Variants in PEX3 observed in about 807,000 individuals in gnomAD.
PEX3 encodes the protein peroxisomal biogenesis factor 3.
A neutral mutation model predicts 55.8 loss-of-function variants in PEX3; 30 were observed. The observed-to-expected ratio is 0.54, with a 90% CI of 0.40 to 0.73. PEX3 has a LOEUF of 0.73. PEX3 is among the 30% of genes least tolerant of loss of function. PEX3 has a pLI of 0.00. For missense variants in PEX3, 351 were observed against 432.8 expected (o/e 0.81, Z 1.68); for synonymous variants, 135 against 148.4 (o/e 0.91, Z 0.66).
chr6:143,475,478 C>A lies in PEX3; in HGVS notation c.818+622C>A, dbSNP rs555642603. 2.9e-4 allele frequency among the ~76,000 whole-genome samples: 44 copies of A among 152,160 alleles called. No homozygotes were observed. The highest frequency in any genetic ancestry group is 9.2e-4 in the African/African-American group (38 of 41,528). On this transcript the variant is annotated intron_variant, in intron 9 of 11. Transcript: ENST00000367591. The surrounding 1 kb of genome is among the most constrained non-coding windows in gnomAD (Gnocchi z 4.4). ...ACCAGCCTGGGTAACATGGCAAAAACCCCATCTTAAACAAAAGAAAAAAAA... is the reference window on the plus strand; with the variant it reads ...ACCAGCCTGGGTAACATGGCAAAAAACCCATCTTAAACAAAAGAAAAAAAA...
chr6:143,472,040 G>A, intron 7 of PEX3, 120 bp from the exon 8 acceptor site: 1 of 731,416 alleles, frequency 1.4e-6, no homozygotes, highest in Non-Finnish European at 2.4e-6. Flanking sequence ...ATTCCAGTCA[G>A]CAGTTACAGG....
At chr6:143,468,814 C>CG (rs1554281458) in intron 4 of PEX3, among the ~76,000 whole-genome samples, 6 of 129,000 alleles carry the variant, frequency 4.7e-5, no homozygotes, top group East Asian at 2.7e-4. Context: ...CCCCCCCCCC[C>CG]ACCCCACGAC....
At position 143,485,024 on chromosome 6, in the gene PEX3, G is replaced by C; in HGVS notation, c.942-128G>C. On this transcript the variant is annotated intron_variant, in intron 10 of 11. Coordinates refer to ENST00000367591, the MANE Select transcript of PEX3 (RefSeq NM_003630.3). This position sits in a 1 kb window ranked among gnomAD's most constrained non-coding sequence, Gnocchi z 5.6. ...TTATTTCTAAGCGATAGAATTGTGG[G>C]GTTTTTTTTCCTTTTTAATAGATTT... 1.4e-6 allele frequency: 1 copy of C among 695,806 alleles called. No individual in the cohort carries two copies. The highest frequency in any genetic ancestry group is 2.2e-5 in the Admixed American group (1 of 44,990). The allele number at this position is 695,806 out of a possible 1,614,324, so 43.1% of individuals were successfully genotyped here. A position where few individuals can be genotyped will look rare whatever the true frequency, so the allele number is the denominator to read the frequency against.
In PEX3 at chr6:143,459,820, T is replaced by A. The variant is rs546609039; in HGVS notation, c.205+604T>A. Among the ~76,000 whole-genome samples the A allele has an allele frequency of 4.6e-5, 7 of 152,016 alleles. No individual in the cohort carries two copies. In the South Asian group the frequency reaches 1.5e-3, roughly 32 times the overall value. ...CGGGCCTGTGGGCCATAGGAAAGAG[T>A]CATTAAGTTTATTAAATTTACAGTA... On this transcript the variant is annotated intron_variant, in intron 2 of 11. Coordinates refer to ENST00000367591, the MANE Select transcript of PEX3 (RefSeq NM_003630.3). The surrounding 1 kb of genome is among the most constrained non-coding windows in gnomAD (Gnocchi z 4.2).
chr6:143,489,835 T>A lies in PEX3; in HGVS notation c.*609T>A, dbSNP rs1357096689. ...TATTTCTTCACTATATTTTTTAAGG[T>A]TTTATTAAAAAGCCTTAGAAAGTTA... On this transcript the variant is annotated 3_prime_UTR_variant, in exon 12 of 12. Coordinates refer to ENST00000367591, the MANE Select transcript of PEX3 (RefSeq NM_003630.3). The surrounding 1 kb of genome is among the most constrained non-coding windows in gnomAD (Gnocchi z 5.5). 1 of 152,076 alleles carries A rather than the reference T, an allele frequency of 6.6e-6. No individual in the cohort carries two copies. The highest frequency in any genetic ancestry group is 2.4e-5 in the African/African-American group (1 of 41,432). 9.4% of individuals were successfully genotyped at this position (152,076 alleles called of 1,614,324 possible). A position where few individuals can be genotyped will look rare whatever the true frequency, so the allele number is the denominator to read the frequency against.
In PEX3 at chr6:143,471,230, A is replaced by G. The variant is rs970242370; in HGVS notation, c.456+145A>G. ...ACTTTTAGTATTATGAATAATTTTT[A>G]TATGTTGAAACTAGAATTTTTGGTG... On this transcript the variant is annotated intron_variant, in intron 5 of 11. Transcript: ENST00000367591. This position sits in a 1 kb window ranked among gnomAD's most constrained non-coding sequence, Gnocchi z 5.4. 23 of 990,656 alleles carry G rather than the reference A, an allele frequency of 2.3e-5. No homozygotes were observed. Among genetic ancestry groups the G allele is most frequent in the Non-Finnish European group, 2.9e-5 (19 of 651,130 alleles). The allele number at this position is 990,656 out of a possible 1,614,324, so 61.4% of individuals were successfully genotyped here.
chr6:143,490,478 C>T lies in PEX3; in HGVS notation c.*1252C>T, dbSNP rs1780370934. On this transcript the variant is annotated 3_prime_UTR_variant, in exon 12 of 12. Transcript: ENST00000367591. The surrounding 1 kb of genome is among the most constrained non-coding windows in gnomAD (Gnocchi z 6.0). ...GTGGAGCCATAGCCCTCACCATAGA[C>T]ACCTCTGAGCCCACTGGCATTGTCT... 4.2e-6 allele frequency: 1 copy of T among 240,316 alleles called. No homozygotes were observed. Among genetic ancestry groups the T allele is most frequent in the South Asian group, 5.4e-5 (1 of 18,654 alleles). The allele number at this position is 240,316 out of a possible 1,614,324, so 14.9% of individuals were successfully genotyped here. A position where few individuals can be genotyped will look rare whatever the true frequency, so the allele number is the denominator to read the frequency against.
rs72384031 is a variant in PEX3, at chr6:143,481,148, TTA to T, written c.941+1971_941+1972del. Among the ~76,000 whole-genome samples, 1,111 of 146,294 alleles carry T rather than the reference TTA, an allele frequency of 7.6e-3. 8 individuals carry two copies. Among genetic ancestry groups the T allele is most frequent in the African/African-American group, 0.015 (604 of 40,448 alleles). On this transcript the variant is annotated intron_variant, in intron 10 of 11. Coordinates refer to ENST00000367591, the MANE Select transcript of PEX3 (RefSeq NM_003630.3). ...GAGGTAAACTAATAAAGGCTTTAAT[TTA>T]TATATATATATATATATATAAAATA... is the stretch of plus-strand genomic sequence containing the variant.
At position 143,459,017 on chromosome 6, in the gene PEX3, G is replaced by A. The variant is rs188472503; in HGVS notation, c.74-68G>A. ...AATATAAAACTTATAATTGCATAAA[G>A]TAGGTTAAAAATACTGTGTAGAATT... On this transcript the variant is annotated intron_variant, in intron 1 of 11. Coordinates refer to ENST00000367591, the MANE Select transcript of PEX3 (RefSeq NM_003630.3). This position sits in a 1 kb window ranked among gnomAD's most constrained non-coding sequence, Gnocchi z 4.2. The A allele has an allele frequency of 8.1e-4, 845 of 1,037,564 alleles. 6 individuals carry two copies. The African/African-American group carries it at 0.012, about 15-fold the overall frequency. 64.3% of individuals were successfully genotyped at this position (1,037,564 alleles called of 1,614,324 possible). A position where few individuals can be genotyped will look rare whatever the true frequency, so the allele number is the denominator to read the frequency against.
rs1380572385 is a variant in PEX3 at position 143,454,975 on chromosome 6, A to G, written c.73+3860A>G. On this transcript the variant is annotated intron_variant, in intron 1 of 11. Transcript: ENST00000367591. The surrounding 1 kb of genome is among the most constrained non-coding windows in gnomAD (Gnocchi z 4.3). ...ATTATCCTTTGTATTGGTGCTTGCT[A>G]GAGTTTACTATGGATAAAAAAATCA... is the stretch of plus-strand genomic sequence containing the variant. Among the ~76,000 whole-genome samples, 2 of 152,184 alleles carry G rather than the reference A, an allele frequency of 1.3e-5. No individual in the cohort carries two copies. Among genetic ancestry groups the G allele is most frequent in the South Asian group, 2.1e-4 (1 of 4,828 alleles).
At position 143,451,237 on chromosome 6, in the gene PEX3, C is replaced by T. The variant is rs1247600309; in HGVS notation, c.73+122C>T. On this transcript the variant is annotated intron_variant, in intron 1 of 11. Transcript: ENST00000367591. This position sits in a 1 kb window ranked among gnomAD's most constrained non-coding sequence, Gnocchi z 4.1. ...GATATGTAGAGGGAGTTCGATCAAC[C>T]ATGGGATGAAAAGGGAGGTGGCCAA... The T allele has an allele frequency of 2.5e-6, 2 of 787,736 alleles. No individual in the cohort carries two copies. The highest frequency in any genetic ancestry group is 4.5e-6 in the Non-Finnish European group (2 of 449,162). 48.8% of individuals were successfully genotyped at this position (787,736 alleles called of 1,614,324 possible). A position where few individuals can be genotyped will look rare whatever the true frequency, so the allele number is the denominator to read the frequency against.
At chr6:143,477,449 AG>A (rs1017232845) in intron 9 of PEX3, among the ~76,000 whole-genome samples, 1 of 152,152 alleles carries the variant, frequency 6.6e-6, no homozygotes, top group African/African-American at 2.4e-5. Context: ...ATTAATTTTA[AG>A]AACAAAGTAC....
chr6:143,485,221 C>T lies in PEX3; in HGVS notation c.1011C>T (p.Cys337=). The T allele has an allele frequency of 6.3e-7, 1 of 1,595,762 alleles. No homozygotes were observed. The highest frequency in any genetic ancestry group is 2.2e-5 in the East Asian group (1 of 44,738). ...PIVNGQIHSV[C]SETPSHFVQD... The stretch of plus-strand genomic sequence containing the variant: ...TAAACGGACAGATCCATTCAGTTTG[C>T]AGTGAAACACCTAGTCATTTTGTTC... Residue 337 remains cysteine (C), a synonymous_variant, in exon 11 of 12, where the codon TGC becomes TGT. Coordinates refer to ENST00000367591, the MANE Select transcript of PEX3 (RefSeq NM_003630.3). This position sits in a 1 kb window ranked among gnomAD's most constrained non-coding sequence, Gnocchi z 5.6.
At chr6:143,457,496 A>G (rs922090104) in intron 1 of PEX3, among the ~76,000 whole-genome samples, 4 of 152,266 alleles carry the variant, frequency 2.6e-5, no homozygotes, top group African/African-American at 9.6e-5. Context: ...CACCTATAGC[A>G]CCTGTATTAG....
At chr6:143,460,700 A>G (rs775353508) in intron 2 of PEX3, among the ~76,000 whole-genome samples, 5 of 152,086 alleles carry the variant, frequency 3.3e-5, no homozygotes, top group Admixed American at 6.6e-5. Context: ...CCCCATCTCC[A>G]CTAAAAATAC....
At chr6:143,468,605 G>A (rs2128746396) in intron 4 of PEX3, among the ~76,000 whole-genome samples, 1 of 152,174 alleles carries the variant, frequency 6.6e-6, no homozygotes, top group Non-Finnish European at 1.5e-5. Context: ...GCTAATCCTT[G>A]TCAGCAGAAT....
chr6:143,481,003 C>T (rs1015504361), intron 10 of PEX3, among the ~76,000 whole-genome samples: 13 of 149,290 alleles, frequency 8.7e-5, no homozygotes, highest in Non-Finnish European at 1.5e-5. Context: ...GGGAGTGAGA[C>T]CCCCCTGCCC....
At chr6:143,457,726 A>G (rs1012357919) in intron 1 of PEX3, among the ~76,000 whole-genome samples, 8 of 152,312 alleles carry the variant, frequency 5.3e-5, no homozygotes, top group African/African-American at 1.9e-4. Context: ...GCACACTTAA[A>G]AACATCTACT....
rs1445702150 is a variant in PEX3 at position 143,465,231 on chromosome 6, C to CTT, written c.287+2237_287+2238dup. On this transcript the variant is annotated intron_variant, in intron 3 of 11. Coordinates refer to ENST00000367591, the MANE Select transcript of PEX3 (RefSeq NM_003630.3). This position sits in a 1 kb window ranked among gnomAD's most constrained non-coding sequence, Gnocchi z 4.7. ...GAAAGGAATATTTGTGTTGAAGGTACTTTTCTCTGTTCTACATAGATTTGG... is the reference window on the plus strand; with the variant it reads ...GAAAGGAATATTTGTGTTGAAGGTACTTTTTTCTCTGTTCTACATAGATTTGG... Among the ~76,000 whole-genome samples the CTT allele has an allele frequency of 2.0e-5, 3 of 151,882 alleles. No homozygotes were observed. Among genetic ancestry groups the CTT allele is most frequent in the African/African-American group, 7.2e-5 (3 of 41,392 alleles).
Sources: allele counts gnomAD v4.1 joint callset (sites outside exome capture counted in the v4.1 genomes callset), GRCh38; gene constraint gnomAD v4.1.1; non-coding constraint Gnocchi (gnomAD v3.1); transcripts MANE v1.5; gene names NCBI Gene and HGNC (gene_info 2026-07-23, HGNC 2026-07-21).